The following FAM174A variants were observed in gnomAD, a reference collection of about 807,000 sequenced individuals.
The protein encoded by FAM174A is membrane protein FAM174A.
A neutral mutation model predicts 14.3 loss-of-function variants in FAM174A; 14 were observed. The observed-to-expected ratio is 0.98, with a 90% confidence interval of 0.65 to 1.53. FAM174A has a LOEUF of 1.53. FAM174A is among the 40% of genes most tolerant of loss of function. FAM174A has a pLI of 0.00. For synonymous variants in FAM174A, 108 were observed against 111.4 expected (o/e 0.97, Z 0.19); for missense variants, 241 against 249.6 (o/e 0.97, Z 0.23).
chr5:100,542,126 T>C (rs1030196979), intron 1 of FAM174A, among the ~76,000 whole-genome samples: 3 of 152,184 alleles, frequency 2.0e-5, no homozygotes, highest in Admixed American at 6.5e-5. Flanking sequence ...CTGACAGTGT[T>C]TTCTGGGCCC....
intron 2 of FAM174A, among the ~76,000 whole-genome samples, chr5:100,563,400 CAAA>C (rs35690521): frequency 7.0e-6 from 1 of 143,868 alleles, no homozygotes. Flanking sequence ...TCTCTTGAGA[CAAA>C]AAAAAAAAAG....
At chr5:100,544,854 T>A (rs1746133265) in intron 1 of FAM174A, among the ~76,000 whole-genome samples, 1 of 152,230 alleles carries the variant, frequency 6.6e-6, no homozygotes, top group Admixed American at 6.5e-5. Flanking sequence ...GAGATGCTTC[T>A]GGTTAGTTAT....
At chr5:100,566,599 A>G (rs992517370) in intron 2 of FAM174A, among the ~76,000 whole-genome samples, 1 of 151,852 alleles carries the variant, frequency 6.6e-6, no homozygotes, top group Non-Finnish European at 1.5e-5. Context: ...TTCTTGATAC[A>G]CACAAAAATA....
At chr5:100,555,411 C>A (rs1746354780) in intron 1 of FAM174A, among the ~76,000 whole-genome samples, 1 of 152,060 alleles carries the variant, frequency 6.6e-6, no homozygotes, top group South Asian at 2.1e-4. Context: ...GTCTTTATAG[C>A]AGCATGTTTT....
At chr5:100,580,687 C>T (rs978005706) in intron 2 of FAM174A, among the ~76,000 whole-genome samples, 1 of 152,202 alleles carries the variant, frequency 6.6e-6, no homozygotes. Context: ...TACAGACATA[C>T]CCAGGATCAA....
intron 2 of FAM174A, among the ~76,000 whole-genome samples, chr5:100,573,663 C>T (rs1298991290): frequency 6.7e-6 from 1 of 150,330 alleles, no homozygotes; most frequent in African/African-American, 2.5e-5. Flanking sequence ...AGGTAATTTA[C>T]AGATTCAATG....
At chr5:100,557,580 G>T (rs1039478742) in intron 1 of FAM174A, among the ~76,000 whole-genome samples, 2 of 152,144 alleles carry the variant, frequency 1.3e-5, no homozygotes, top group Non-Finnish European at 2.9e-5. Context: ...CTCTTTTTTG[G>T]TTGATAGGCT....
intron 2 of FAM174A, among the ~76,000 whole-genome samples, chr5:100,566,820 A>G (rs1746662433): frequency 6.6e-6 from 1 of 151,900 alleles, no homozygotes; most frequent in Admixed American, 6.6e-5. Flanking sequence ...CATCAATTCT[A>G]TAGACCATAA....
rs1206548177 is a variant in FAM174A, at chr5:100,586,241, A to G, written c.*57A>G. ...TTCTACAATGAAGAGTGGAATTTCT[A>G]TGTTTAAGGAATAAGAAGCCACTAT... On this transcript the variant is annotated 3_prime_UTR_variant, in exon 3 of 3. Transcript: ENST00000312637. The G allele has an allele frequency of 7.1e-6, 9 of 1,272,974 alleles. No homozygotes were observed. The highest frequency in any genetic ancestry group is 9.9e-6 in the Non-Finnish European group (9 of 909,474). The allele number at this position is 1,272,974 out of a possible 1,614,324, so 78.9% of individuals were successfully genotyped here.
chr5:100,559,682 C>T (rs1194514570), intron 1 of FAM174A, among the ~76,000 whole-genome samples: 13 of 152,016 alleles, frequency 8.6e-5, no homozygotes, highest in Non-Finnish European at 1.5e-4. Context: ...TCTCTTGTCA[C>T]TTCATGTCAT....
At chr5:100,563,181 G>A (rs538172396) in intron 2 of FAM174A, among the ~76,000 whole-genome samples, 42 of 151,796 alleles carry the variant, frequency 2.8e-4, no homozygotes, top group Non-Finnish European at 4.9e-4. Flanking sequence ...ATATGTTCAT[G>A]AATTATACAT....
intron 2 of FAM174A, among the ~76,000 whole-genome samples, chr5:100,564,700 C>T (rs6892505): frequency 0.23 from 34,736 of 151,488 alleles, 4,315 homozygotes; most frequent in Admixed American, 0.34. Context: ...GAAGAAATTA[C>T]AATGGGTACC....
At chr5:100,537,407 T>C (rs1561310444) in intron 1 of FAM174A, among the ~76,000 whole-genome samples, 2 of 152,312 alleles carry the variant, frequency 1.3e-5, no homozygotes, top group South Asian at 4.1e-4. Context: ...TTATGTTAAC[T>C]TGTAATGTGT....
intron 1 of FAM174A, among the ~76,000 whole-genome samples, chr5:100,546,919 A>C (rs1163576704): frequency 6.6e-6 from 1 of 152,084 alleles, no homozygotes; most frequent in Non-Finnish European, 1.5e-5. Flanking sequence ...GTGATCTACT[A>C]TGACTTGTCA....
At chr5:100,537,502 A>C (rs1364612444) in intron 1 of FAM174A, among the ~76,000 whole-genome samples, 3 of 152,174 alleles carry the variant, frequency 2.0e-5, no homozygotes, top group African/African-American at 7.2e-5. Flanking sequence ...AATTCACATA[A>C]ATATAAGTTA....
chr5:100,544,325 C>T (rs1424554316), intron 1 of FAM174A, among the ~76,000 whole-genome samples: 4 of 151,804 alleles, frequency 2.6e-5, no homozygotes, highest in South Asian at 2.1e-4. Context: ...CCCTGCATCC[C>T]GGAAACAGTT....
intron 1 of FAM174A, among the ~76,000 whole-genome samples, chr5:100,541,634 T>C (rs1229731166): frequency 6.6e-6 from 1 of 151,940 alleles, no homozygotes; most frequent in Admixed American, 6.6e-5. Flanking sequence ...GAAAGGAAGA[T>C]ACCTAAGAAG....
chr5:100,574,846 A>G (rs1450578289), intron 2 of FAM174A, among the ~76,000 whole-genome samples: 1 of 152,178 alleles, frequency 6.6e-6, no homozygotes. Context: ...ACAGAACTAC[A>G]GTAGGAGTGA....
chr5:100,555,257 C>G (rs1245961676), intron 1 of FAM174A, among the ~76,000 whole-genome samples: 1 of 151,910 alleles, frequency 6.6e-6, no homozygotes, highest in East Asian at 1.9e-4. Flanking sequence ...AGGACATGAA[C>G]TCATCATTTT....
Sources: gnomAD v4.1 joint callset for allele counts (sites outside exome capture counted in the v4.1 genomes callset) on GRCh38, gnomAD v4.1.1 for gene constraint, MANE v1.5 for transcripts, NCBI Gene and HGNC (gene_info 2026-07-23, HGNC 2026-07-21) for gene names.